DOCK5: variants seen among roughly 807,000 people sequenced by gnomAD.
DOCK5 encodes the protein dedicator of cytokinesis 5, also known as dedicator of cytokinesis protein 5.
Under a neutral mutation model 251.8 loss-of-function variants are expected in DOCK5, and 142 were observed. That is an observed-to-expected ratio of 0.56 (90% confidence interval 0.49 to 0.65). The LOEUF (loss-of-function observed/expected upper bound fraction) is 0.65. Ranked by LOEUF, DOCK5 falls within the 30% of genes least tolerant of loss-of-function variation. The pLI is 0.00. For missense variants in DOCK5, 2,111 were observed against 2,312.3 expected (o/e 0.91, Z 1.79); for synonymous variants, 842 against 835.5 (o/e 1.01, Z -0.13).
rs953801150 is a variant in DOCK5, at chr8:25,342,480, G to A, written c.2590G>A (p.Val864Ile). ...GAAACTTAACTGCATGACCAAGATA[G>A]TAGAGAGCACTCTTTTTCGACAGTC... ...RQKLNCMTKI[V>I]ESTLFRQSEC... The change falls in exon 25 of 52, where the codon GTA (valine) becomes ATA (isoleucine). Residue 864 changes from valine to isoleucine, a missense_variant. This residue lies in a region of DOCK5 where 1,717 missense variants were observed against 1,892.4 expected (regional missense o/e 0.91). Coordinates refer to ENST00000276440, the MANE Select transcript of DOCK5 (RefSeq NM_024940.8). 3.8e-6 allele frequency: 6 copies of A among 1,595,656 alleles called. No individual in the cohort carries two copies. The African/African-American group carries it at 4.0e-5, about 11-fold the overall frequency.
rs1465132175 is a variant in DOCK5, at chr8:25,317,024, A to G, written c.1336A>G (p.Ile446Val). 2 of 1,613,836 alleles carry G rather than the reference A, an allele frequency of 1.2e-6. No individual in the cohort carries two copies. The highest frequency in any genetic ancestry group is 1.3e-5 in the African/African-American group (1 of 74,912). Reference sequence around the variant, plus strand: ...TGTTGCAGGAGATGTTCGGAATGACATTTATGTCACCCTGATCCACGGTGA... The same window carrying G: ...TGTTGCAGGAGATGTTCGGAATGACGTTTATGTCACCCTGATCCACGGTGA... The part of the protein sequence containing the change: ...IILPGDVRND[I>V]YVTLIHGEFD... Residue 446 changes from isoleucine to valine, a missense_variant, in exon 14 of 52, where the codon ATT (isoleucine) becomes GTT (valine). By Grantham distance (29) the Ile-to-Val change is conservative (BLOSUM62 3). Around this residue, in one of 3 missense-constraint regions of DOCK5, gnomAD observed 1,717 missense variants for 1,892.4 expected, o/e 0.91. Coordinates refer to ENST00000276440, the MANE Select transcript of DOCK5 (RefSeq NM_024940.8).
At chr8:25,272,024 TATAC>T (rs1451817818) in intron 3 of DOCK5, among the ~76,000 whole-genome samples, 1 of 152,246 alleles carries the variant, frequency 6.6e-6, no homozygotes, top group South Asian at 2.1e-4. Context: ...TACATACATA[TATAC>T]ATACATACAT....
chr8:25,354,482 A>G lies in DOCK5; in HGVS notation c.2850+2656A>G, dbSNP rs576646707. On this transcript the variant is annotated intron_variant, in intron 27 of 51. Coordinates refer to ENST00000276440, the MANE Select transcript of DOCK5 (RefSeq NM_024940.8). ...ACTCACTCAAGGACATCAGCTCCAT[A>G]TGTTTGAAGGGAAGGGCAGGACTGG... is the stretch of plus-strand genomic sequence containing the variant. Among the ~76,000 whole-genome samples the G allele has an allele frequency of 5.3e-5, 8 of 152,316 alleles. No homozygotes were observed. The East Asian group carries it at 1.5e-3, about 29-fold the overall frequency.
chr8:25,270,025 C>T lies in DOCK5; in HGVS notation c.168+1140C>T, dbSNP rs1047675029. ...CAGGACTGCTTCTGCATTGTTGATG[C>T]TTAAGTCACACTCAGTATTTGCACA... is the stretch of plus-strand genomic sequence containing the variant. On this transcript the variant is annotated intron_variant, in intron 3 of 51. Transcript: ENST00000276440. 2.0e-5 allele frequency among the ~76,000 whole-genome samples: 3 copies of T among 152,322 alleles called. No individual in the cohort carries two copies. The South Asian group carries it at 6.2e-4, about 32-fold the overall frequency.
Position 25,411,997 on chromosome 8 carries a change from C to T in DOCK5, c.*699C>T, listed in dbSNP as rs1455000665. On this transcript the variant is annotated 3_prime_UTR_variant, in exon 52 of 52. Coordinates refer to ENST00000276440, the MANE Select transcript of DOCK5 (RefSeq NM_024940.8). ...GCTGCCCTCTCCCTCTCCCACCACA[C>T]TCCTGACTAATGGCCTTCACTGCGT... The T allele has an allele frequency of 3.3e-5, 5 of 151,852 alleles. No individual in the cohort carries two copies. The highest frequency in any genetic ancestry group is 1.2e-4 in the African/African-American group (5 of 41,326). The allele number at this position is 151,852 out of a possible 1,614,324, so 9.4% of individuals were successfully genotyped here.
chr8:25,243,010 C>T (rs1174693487), intron 1 of DOCK5, among the ~76,000 whole-genome samples: 1 of 152,232 alleles, frequency 6.6e-6, no homozygotes, highest in Non-Finnish European at 1.5e-5. Flanking sequence ...CAAAATCCCA[C>T]AATATATTTT....
chr8:25,253,918 A>C (rs1332935357), intron 2 of DOCK5, among the ~76,000 whole-genome samples: 1 of 152,228 alleles, frequency 6.6e-6, no homozygotes, highest in Non-Finnish European at 1.5e-5. Flanking sequence ...GTGGAGAGGC[A>C]GAGGACTCAG....
chr8:25,361,194 G>A (rs998602735), intron 28 of DOCK5, among the ~76,000 whole-genome samples: 20 of 152,174 alleles, frequency 1.3e-4, no homozygotes, highest in African/African-American at 4.3e-4. Flanking sequence ...GTTAAATAGA[G>A]AGTCTGTATC....
At chr8:25,189,100 G>A (rs538646072) in intron 1 of DOCK5, among the ~76,000 whole-genome samples, 1 of 140,914 alleles carries the variant, frequency 7.1e-6, no homozygotes, top group South Asian at 2.2e-4. Flanking sequence ...CCAGACTAGA[G>A]TACAGTATGA....
chr8:25,210,033 TAA>T (rs1554517420), intron 1 of DOCK5, among the ~76,000 whole-genome samples: 1 of 22,866 alleles, frequency 4.4e-5, no homozygotes, highest in Non-Finnish European at 1.6e-4. Flanking sequence ...TATATATATA[TAA>T]ATGTGTGTGT....
intron 2 of DOCK5, among the ~76,000 whole-genome samples, 174 bp from the exon 3 acceptor site, chr8:25,268,671 T>A (rs1440521580): frequency 3.9e-5 from 6 of 152,140 alleles, no homozygotes; most frequent in Non-Finnish European, 8.8e-5. Context: ...TAAAATACAG[T>A]TAGATTTTTC....
chr8:25,346,034 T>G (rs1339886599), intron 26 of DOCK5, among the ~76,000 whole-genome samples: 5 of 152,156 alleles, frequency 3.3e-5, no homozygotes, highest in Non-Finnish European at 5.9e-5. Context: ...GTATTTTTAG[T>G]AGAGACGGGG....
At chr8:25,291,139 T>C (rs914819572) in intron 5 of DOCK5, among the ~76,000 whole-genome samples, 4 of 152,124 alleles carry the variant, frequency 2.6e-5, no homozygotes, top group African/African-American at 9.7e-5. Context: ...GATATGTGTC[T>C]GGAGGACATT....
chr8:25,395,918 TTACC>T, intron 45 of DOCK5, 199 bp downstream of exon 45: 1 of 687,348 alleles, frequency 1.5e-6, no homozygotes, highest in Non-Finnish European at 2.5e-6. Context: ...GGTATAGAAC[TTACC>T]TAGTAAAGCG....
chr8:25,299,091 A>G lies in DOCK5; in HGVS notation c.754A>G (p.Thr252Ala). 6.2e-7 allele frequency: 1 copy of G among 1,613,490 alleles called. No homozygotes were observed. The highest frequency in any genetic ancestry group is 1.1e-5 in the South Asian group (1 of 91,022). The change falls in exon 8 of 52, where the codon ACT becomes GCT. Residue 252 changes from threonine to alanine, a missense_variant. Physicochemically the swap from Thr to Ala is moderately conservative, Grantham distance 58. Around this residue, in one of 3 missense-constraint regions of DOCK5, gnomAD observed 335 missense variants for 324.9 expected, o/e 1.03. Coordinates refer to ENST00000276440, the MANE Select transcript of DOCK5 (RefSeq NM_024940.8). ...GGCCCTCTACGACCCAGACCAGTCC[A>G]CTTTTATCAGGTAGCAGAGACCCAC... Reference protein sequence around the residue: ...FMALYDPDQSTFISENYLIRW... With the variant: ...FMALYDPDQSAFISENYLIRW...
chr8:25,405,617 G>A (rs868289391), intron 48 of DOCK5, among the ~76,000 whole-genome samples: 1 of 151,998 alleles, frequency 6.6e-6, no homozygotes, highest in Middle Eastern at 3.4e-3. Flanking sequence ...AATCTGGCTA[G>A]TGTCGCTATT....
intron 38 of DOCK5, 149 bp downstream of exon 38, chr8:25,377,573 A>G (rs1335180630): frequency 1.4e-5 from 16 of 1,107,554 alleles, no homozygotes; most frequent in East Asian, 2.7e-5. Context: ...TTCAGATGCC[A>G]TCTTCAAATT....
intron 2 of DOCK5, among the ~76,000 whole-genome samples, chr8:25,257,179 A>G (rs1478358504): frequency 6.6e-6 from 1 of 152,192 alleles, no homozygotes; most frequent in Non-Finnish European, 1.5e-5. Flanking sequence ...ACCAGAAGAC[A>G]GACCTAAGCA....
intron 2 of DOCK5, among the ~76,000 whole-genome samples, chr8:25,265,477 C>G (rs1404375201): frequency 6.6e-6 from 1 of 151,852 alleles, no homozygotes; most frequent in Non-Finnish European, 1.5e-5. Flanking sequence ...TGGCTCATTC[C>G]TTTTAGCTTC....
Sources: allele counts gnomAD v4.1 joint callset (sites outside exome capture counted in the v4.1 genomes callset), GRCh38; gene constraint gnomAD v4.1.1; regional missense constraint gnomAD v4.1.1; transcripts MANE v1.5; gene names NCBI Gene and HGNC (gene_info 2026-07-23, HGNC 2026-07-21).